NMRK2: variants seen among roughly 807,000 people sequenced by gnomAD.
NMRK2 encodes the protein nicotinamide riboside kinase 2, also known as NRK 2.
NMRK2 carries 34 observed loss-of-function variants against 24.7 expected under a neutral mutation model. That is an observed-to-expected ratio of 1.37 (90% CI 1.05 to 1.83). The LOEUF (loss-of-function observed/expected upper bound fraction) is 1.83, where lower values mean the gene tolerates loss of function less well. NMRK2 is among the 40% of genes most tolerant of loss of function. NMRK2 has a pLI of 0.00. For missense variants in NMRK2, 341 were observed against 315.0 expected (o/e 1.08, Z -0.62); for synonymous variants, 145 against 125.6 (o/e 1.15, Z -1.03).
At chr19:3,942,053 GC>G (rs762427087) in intron 7 of NMRK2, 29 bp from the exon 8 acceptor site, 2 of 1,601,824 alleles carry the variant, frequency 1.2e-6, no homozygotes, top group Non-Finnish European at 1.7e-6. Flanking sequence ...CTTCCTCCCG[GC>G]AGCCCTGACG....
At chr19:3,936,080 G>A (rs2039207906) in intron 2 of NMRK2, among the ~76,000 whole-genome samples, 2 of 152,032 alleles carry the variant, frequency 1.3e-5, no homozygotes, top group Admixed American at 1.3e-4. Flanking sequence ...GTGTGGTGGC[G>A]CACGCCTGTA....
At chr19:3,940,204 G>A (rs914358961) in intron 6 of NMRK2, among the ~76,000 whole-genome samples, 3 of 150,020 alleles carry the variant, frequency 2.0e-5, no homozygotes, top group Non-Finnish European at 4.4e-5. Flanking sequence ...AAAATTAGTC[G>A]GGCGTAGTGG....
rs1457026113 is a variant in NMRK2, at chr19:3,933,632, G to A, written c.-40G>A. The A allele has an allele frequency of 2.6e-6, 4 of 1,519,370 alleles. No homozygotes were observed. The highest frequency in any genetic ancestry group is 2.8e-5 in the African/African-American group (2 of 70,538). The allele number at this position is 1,519,370 out of a possible 1,614,324, so 94.1% of individuals were successfully genotyped here. A position where few individuals can be genotyped will look rare whatever the true frequency, so the allele number is the denominator to read the frequency against. ...CACTGCGTGGTCGCACCCTACCCGG[G>A]CTGCCTTGGAAGTCGTCCCCGCCGC... On this transcript the variant is annotated 5_prime_UTR_variant, in exon 2 of 8. Transcript: ENST00000168977.
chr19:3,936,035 A>AC (rs1349822315), intron 2 of NMRK2, among the ~76,000 whole-genome samples: 2 of 152,032 alleles, frequency 1.3e-5, no homozygotes, highest in East Asian at 3.9e-4. Flanking sequence ...ACATGGCAAA[A>AC]CCCCATCGCT....
chr19:3,941,149 G>A lies in NMRK2; in HGVS notation c.474G>A (p.Gln158=), dbSNP rs931234996. The part of the protein sequence containing the change: ...HVWPMYQKYR[Q]EMEANGVEVV... Reference sequence around the variant, plus strand: ...GGCCCATGTACCAGAAGTATAGGCAGGAGATGGAGGCCAACGGTGTGGAAG... The same window carrying A: ...GGCCCATGTACCAGAAGTATAGGCAAGAGATGGAGGCCAACGGTGTGGAAG... The change falls in exon 7 of 8, where the codon CAG becomes CAA. Residue 158 remains glutamine (Q), a synonymous_variant. Coordinates refer to ENST00000168977, the MANE Select transcript of NMRK2 (RefSeq NM_170678.3). 4.4e-6 allele frequency: 7 copies of A among 1,599,528 alleles called. No individual in the cohort carries two copies. Among genetic ancestry groups the A allele is most frequent in the Non-Finnish European group, 6.0e-6 (7 of 1,171,414 alleles).
At chr19:3,934,575 G>T (rs1217691870) in intron 2 of NMRK2, among the ~76,000 whole-genome samples, 8 of 150,318 alleles carry the variant, frequency 5.3e-5, no homozygotes, top group Non-Finnish European at 1.2e-4. Context: ...TGGGGGGGGG[G>T]TGTTGTTGTT....
chr19:3,935,187 C>T lies in NMRK2; in HGVS notation c.27-1388C>T, dbSNP rs148885883. ...GGTGGGAGCCACCACACCTGAGCAA[C>T]ATTAGGCATTTTTCTAACCTGCCTC... On this transcript the variant is annotated intron_variant, in intron 2 of 7. Transcript: ENST00000168977. 8.5e-3 allele frequency among the ~76,000 whole-genome samples: 1,271 copies of T among 150,192 alleles called. 7 individuals carry two copies. Among genetic ancestry groups the T allele is most frequent in the Non-Finnish European group, 0.014 (942 of 67,550 alleles).
At position 3,933,624 on chromosome 19, in the gene NMRK2, C is replaced by G. The variant is rs764903184; in HGVS notation, c.-48C>G. On this transcript the variant is annotated 5_prime_UTR_variant, in exon 2 of 8. Transcript: ENST00000168977. ...CCGGAGCGCACTGCGTGGTCGCACC[C>G]TACCCGGGCTGCCTTGGAAGTCGTC... 2.0e-6 allele frequency: 3 copies of G among 1,517,054 alleles called. No homozygotes were observed. Among genetic ancestry groups the G allele is most frequent in the East Asian group, 2.7e-5 (1 of 37,092 alleles). 94.0% of individuals were successfully genotyped at this position (1,517,054 alleles called of 1,614,324 possible). A position where few individuals can be genotyped will look rare whatever the true frequency, so the allele number is the denominator to read the frequency against.
chr19:3,933,262 G>C, intron 1 of NMRK2, 84 bp downstream of exon 1: 1 of 199,492 alleles, frequency 5.0e-6, no homozygotes, highest in Non-Finnish European at 1.0e-5. Context: ...ATATTTTTAG[G>C]GAGGGAAAAG....
Position 3,933,567 on chromosome 19 carries a change from G to C in NMRK2, c.-105G>C. The C allele has an allele frequency of 7.2e-7, 1 of 1,389,790 alleles. No homozygotes were observed. The highest frequency in any genetic ancestry group is 2.3e-5 in the Admixed American group (1 of 43,190). The allele number at this position is 1,389,790 out of a possible 1,614,324, so 86.1% of individuals were successfully genotyped here. On this transcript the variant is annotated 5_prime_UTR_variant, in exon 2 of 8. Transcript: ENST00000168977. ...CCAGGCTGCCGAGACCTATAAAGGC[G>C]CCAGGTTTTCTCAATGAAGCCGGGA...
intron 2 of NMRK2, 48 bp from the exon 3 acceptor site, chr19:3,936,527 C>A: frequency 6.9e-7 from 1 of 1,442,864 alleles, no homozygotes; most frequent in South Asian, 1.3e-5. Flanking sequence ...GCACCCTGAC[C>A]TTCTTGGGGG....
Position 3,936,559 on chromosome 19 carries a change from C to T in NMRK2, c.27-16C>T. The T allele has an allele frequency of 1.3e-6, 2 of 1,535,618 alleles. No homozygotes were observed. The highest frequency in any genetic ancestry group is 1.8e-6 in the Non-Finnish European group (2 of 1,142,754). On this transcript the variant is annotated splice_polypyrimidine_tract_variant and intron_variant, in intron 2 of 7. Coordinates refer to ENST00000168977, the MANE Select transcript of NMRK2 (RefSeq NM_170678.3). The stretch of plus-strand genomic sequence containing the variant: ...GGGGGAGCCCAGGCAGTCTCATGCA[C>T]ACGCTGTCTCCCCAGCATGACCAAC...
chr19:3,938,790 T>C, intron 5 of NMRK2, 31 bp downstream of exon 5: 2 of 1,406,850 alleles, frequency 1.4e-6, no homozygotes, highest in South Asian at 2.7e-5. Context: ...GCCCCAGGCA[T>C]GGCCCTCTCT....
chr19:3,939,459 A>G (rs1167511441), intron 5 of NMRK2, among the ~76,000 whole-genome samples: 3 of 152,018 alleles, frequency 2.0e-5, no homozygotes, highest in Admixed American at 6.6e-5. Context: ...GGTTGCAGTA[A>G]GCCGAGATCG....
Position 3,942,078 on chromosome 19 carries a change from T to A in NMRK2, c.503-5T>A. The A allele has an allele frequency of 6.2e-7, 1 of 1,610,948 alleles. No individual in the cohort carries two copies. The highest frequency in any genetic ancestry group is 1.1e-5 in the South Asian group (1 of 91,052). Reference sequence around the variant, plus strand: ...GCAGCCCTGACGCAGCCTTTCTGATTTCAGTCTACCTGGACGGCATGAAGT... The same window carrying A: ...GCAGCCCTGACGCAGCCTTTCTGATATCAGTCTACCTGGACGGCATGAAGT... On this transcript the variant is annotated splice_polypyrimidine_tract_variant and splice_region_variant and intron_variant, in intron 7 of 7. Transcript: ENST00000168977.
Position 3,939,972 on chromosome 19 carries a change from G to T in NMRK2, c.395+1G>T. ...ATGAAGAGTGCAAGTGGAGGAGAAGGTGCACTTGGTGTCTGGGGGTGCGGT... is the reference window on the plus strand; with the variant it reads ...ATGAAGAGTGCAAGTGGAGGAGAAGTTGCACTTGGTGTCTGGGGGTGCGGT... On this transcript the variant is annotated splice_donor_variant, in intron 6 of 7. Coordinates refer to ENST00000168977, the MANE Select transcript of NMRK2 (RefSeq NM_170678.3). LOFTEE classifies it high-confidence loss of function. 1.2e-6 allele frequency: 2 copies of T among 1,612,552 alleles called. No individual in the cohort carries two copies. The highest frequency in any genetic ancestry group is 2.2e-5 in the East Asian group (1 of 44,850).
intron 5 of NMRK2, among the ~76,000 whole-genome samples, chr19:3,939,037 T>G (rs2039278195): frequency 1.3e-5 from 2 of 151,418 alleles, no homozygotes; most frequent in African/African-American, 2.4e-5. Flanking sequence ...TAGTAGAGAC[T>G]GGGTTTCACC....
chr19:3,938,822 GTTTTTTTTT>G (rs1178177619), intron 5 of NMRK2, 63 bp downstream of exon 5: 14 of 183,736 alleles, frequency 7.6e-5, no homozygotes, highest in Admixed American at 4.4e-4. Context: ...GCCATCTCTT[GTTTTTTTTT>G]TTTTTTTTTT....
rs551034352 is a variant in NMRK2 at position 3,942,022 on chromosome 19, G to A, written c.503-61G>A. The A allele has an allele frequency of 3.1e-5, 44 of 1,411,814 alleles. No individual in the cohort carries two copies. In the East Asian group the frequency reaches 4.4e-4, roughly 14 times the overall value. The allele number at this position is 1,411,814 out of a possible 1,614,324, so 87.5% of individuals were successfully genotyped here. On this transcript the variant is annotated intron_variant, in intron 7 of 7. Transcript: ENST00000168977. ...TTGCTCCTGACCCAGCCGTCCACTC[G>A]TCCCCCCGTGCTCTGGCCCCCTTCC...
Sources: allele counts gnomAD v4.1 joint callset (sites outside exome capture counted in the v4.1 genomes callset), GRCh38; gene constraint gnomAD v4.1.1; transcripts MANE v1.5; gene names NCBI Gene and HGNC (gene_info 2026-07-23, HGNC 2026-07-21).